The following RIMS1 variants were observed in gnomAD, a reference collection of about 807,000 sequenced individuals.
The protein encoded by RIMS1 is regulating synaptic membrane exocytosis 1.
A neutral mutation model predicts 214.1 loss-of-function variants in RIMS1; 83 were observed. The ratio of observed to expected loss-of-function variants is 0.39; its 90% CI spans 0.32 to 0.47. The LOEUF (loss-of-function observed/expected upper bound fraction) is 0.47, where lower values mean the gene tolerates loss of function less well. RIMS1 is among the 20% of genes least tolerant of loss of function. The probability of loss-of-function intolerance (pLI) is 0.99; values close to 1 mark genes in which losing one functional copy is unlikely to be tolerated. For synonymous variants in RIMS1, 793 were observed against 786.8 expected (o/e 1.01, Z -0.13); for missense variants, 2,050 against 2,161.8 (o/e 0.95, Z 1.03).
chr6:71,957,414 TAAC>T (rs888999232), intron 1 of RIMS1, among the ~76,000 whole-genome samples: 2 of 152,222 alleles, frequency 1.3e-5, no homozygotes, highest in African/African-American at 4.8e-5. Context: ...AAGGAATTTT[TAAC>T]AATAGAGTTG....
At chr6:72,314,098 A>C (rs2154296853) in intron 28 of RIMS1, among the ~76,000 whole-genome samples, 1 of 152,278 alleles carries the variant, frequency 6.6e-6, no homozygotes, top group Non-Finnish European at 1.5e-5. Flanking sequence ...TGGATGTGTT[A>C]ACAAAATAGA....
chr6:72,294,572 C>T (rs1592318050), intron 26 of RIMS1, among the ~76,000 whole-genome samples: 1 of 151,420 alleles, frequency 6.6e-6, no homozygotes, highest in East Asian at 1.9e-4. Context: ...ATTAATATAC[C>T]GTTTCTGGGT....
intron 2 of RIMS1, among the ~76,000 whole-genome samples, chr6:72,036,821 C>T (rs1451075914): frequency 1.3e-5 from 2 of 152,094 alleles, no homozygotes; most frequent in African/African-American, 4.8e-5. Flanking sequence ...AGTTGTCACG[C>T]ATGTAGAGTT....
chr6:72,386,064 T>G (rs2098596497), intron 29 of RIMS1, among the ~76,000 whole-genome samples: 1 of 152,156 alleles, frequency 6.6e-6, no homozygotes, highest in African/African-American at 2.4e-5. Context: ...ATTCAATAAC[T>G]AGCCCCTCAA....
intron 1 of RIMS1, among the ~76,000 whole-genome samples, chr6:71,938,727 G>A (rs1182204960): frequency 1.3e-5 from 2 of 152,142 alleles, no homozygotes; most frequent in African/African-American, 4.8e-5. Context: ...GACCTGTGAT[G>A]GGAGGGGCAA....
intron 1 of RIMS1, among the ~76,000 whole-genome samples, chr6:71,953,929 T>C (rs965902291): frequency 6.6e-6 from 1 of 152,198 alleles, no homozygotes; most frequent in South Asian, 2.1e-4. Flanking sequence ...TTTTTACCTT[T>C]AGGGTCTTAA....
intron 2 of RIMS1, among the ~76,000 whole-genome samples, chr6:71,979,899 G>T (rs1427588159): frequency 6.6e-6 from 1 of 152,054 alleles, no homozygotes; most frequent in East Asian, 1.9e-4. Context: ...AAGATTAGAT[G>T]GGATGGGTGA....
intron 28 of RIMS1, among the ~76,000 whole-genome samples, chr6:72,330,333 T>C (rs1026369488): frequency 7.3e-5 from 11 of 151,508 alleles, no homozygotes; most frequent in African/African-American, 2.7e-4. Flanking sequence ...GGAGAGGATA[T>C]ATAAATAACT....
chr6:72,055,546 G>T (rs1393849350), intron 2 of RIMS1, among the ~76,000 whole-genome samples: 1 of 152,178 alleles, frequency 6.6e-6, no homozygotes, highest in Admixed American at 6.5e-5. Context: ...GCACTGTGCT[G>T]AATAGGAGTG....
At position 72,182,853 on chromosome 6, in the gene RIMS1, C is replaced by T. The variant is rs886061706; in HGVS notation, c.1382C>T (p.Ala461Val). 8 of 1,556,130 alleles carry T rather than the reference C, an allele frequency of 5.1e-6. No homozygotes were observed. Among genetic ancestry groups the T allele is most frequent in the South Asian group, 1.2e-5 (1 of 84,500 alleles). Residue 461 changes from alanine to valine, a missense_variant, in exon 6 of 34, where the codon GCC becomes GTC. By Grantham distance (64) the Ala-to-Val change is moderately conservative. Coordinates refer to ENST00000521978, the MANE Select transcript of RIMS1 (RefSeq NM_014989.7). ...AGACATGGGCCGGTTCCCGCAGAAG[C>T]CCCGGAGCTCAAAGCCCAGGAGCCC... ...APRHGPVPAEAPELKAQEPLR... is the reference protein window; with the variant it reads ...APRHGPVPAEVPELKAQEPLR...
Position 72,182,645 on chromosome 6 carries a change from G to T in RIMS1, c.1174G>T (p.Asp392Tyr). 1 of 1,532,026 alleles carries T rather than the reference G, an allele frequency of 6.5e-7. No individual in the cohort carries two copies. Among genetic ancestry groups the T allele is most frequent in the Non-Finnish European group, 8.8e-7 (1 of 1,138,882 alleles). 94.9% of individuals were successfully genotyped at this position (1,532,026 alleles called of 1,614,324 possible). ...CGCCAGGCACGAGCGGCGCCACAGC[G>T]ACGTGGCGCTCCCGCGCACCGAGGC... ...SRARHERRHS[D>Y]VALPRTEAGA... Residue 392 changes from aspartate (D) to tyrosine (Y), a missense_variant, in exon 6 of 34, where the codon GAC becomes TAC. By Grantham distance (160) the Asp-to-Tyr change is radical (BLOSUM62 -3). This residue lies in a region of RIMS1 where 882 missense variants were observed against 828.9 expected (regional missense o/e 1.06). Coordinates refer to ENST00000521978, the MANE Select transcript of RIMS1 (RefSeq NM_014989.7).
At chr6:72,107,922 A>G (rs2035096342) in intron 4 of RIMS1, among the ~76,000 whole-genome samples, 1 of 152,166 alleles carries the variant, frequency 6.6e-6, no homozygotes, top group Admixed American at 6.6e-5. Flanking sequence ...AATTCCTGTG[A>G]TGTTTATATC....
intron 29 of RIMS1, among the ~76,000 whole-genome samples, chr6:72,362,640 C>T (rs890394865): frequency 7.9e-5 from 12 of 152,174 alleles, no homozygotes; most frequent in African/African-American, 2.9e-4. Context: ...AAAACAACTG[C>T]ATGATAAAAT....
chr6:72,167,115 AGTTT>A lies in RIMS1; in HGVS notation c.472-12456_472-12453del, dbSNP rs2046373344. ...TTATTCTGAAATCTTTTTTATGTCT[AGTTT>A]GTTGAGCATTTTTTCTCATTAAAAG... On this transcript the variant is annotated intron_variant, in intron 4 of 33. Coordinates refer to ENST00000521978, the MANE Select transcript of RIMS1 (RefSeq NM_014989.7). Among the ~76,000 whole-genome samples, 3 of 151,780 alleles carry A rather than the reference AGTTT, an allele frequency of 2.0e-5. No individual in the cohort carries two copies. The South Asian group carries it at 6.2e-4, about 31-fold the overall frequency.
chr6:71,983,743 A>T (rs1416294247), intron 2 of RIMS1, among the ~76,000 whole-genome samples: 1 of 152,182 alleles, frequency 6.6e-6, no homozygotes, highest in Non-Finnish European at 1.5e-5. Context: ...TTTTATGTCT[A>T]CTAACTACAC....
intron 2 of RIMS1, among the ~76,000 whole-genome samples, chr6:71,973,144 G>A (rs865785552): frequency 4.6e-5 from 7 of 152,086 alleles, no homozygotes; most frequent in East Asian, 1.9e-4. Context: ...TCCTGACTTC[G>A]TGATCCGCCC....
At chr6:72,263,337 C>T (rs147205268) in intron 19 of RIMS1, 1 of 985,036 alleles carries the variant, frequency 1.0e-6, no homozygotes, top group Non-Finnish European at 1.2e-6. Flanking sequence ...CTTACTGTAT[C>T]CTACTGTGTC....
At chr6:72,358,181 T>C (rs898366756) in intron 29 of RIMS1, among the ~76,000 whole-genome samples, 1 of 150,292 alleles carries the variant, frequency 6.7e-6, no homozygotes, top group Non-Finnish European at 1.5e-5. Context: ...AAAAAAAAGG[T>C]GCTGATAGAT....
At position 72,101,195 on chromosome 6, in the gene RIMS1, C is replaced by G. The variant is rs558775816; in HGVS notation, c.471+1209C>G. Among the ~76,000 whole-genome samples the G allele has an allele frequency of 9.2e-5, 14 of 151,934 alleles. 1 individual carries two copies. In the South Asian group the frequency reaches 2.9e-3, roughly 31 times the overall value. ...GCCAAACTCACTATCCCTTTGACAG[C>G]GTTACCCATAATGGTAGGTTATTTG... On this transcript the variant is annotated intron_variant, in intron 4 of 33. Coordinates refer to ENST00000521978, the MANE Select transcript of RIMS1 (RefSeq NM_014989.7).
Sources: gnomAD v4.1 joint callset for allele counts (sites outside exome capture counted in the v4.1 genomes callset) on GRCh38, gnomAD v4.1.1 for gene constraint, gnomAD v4.1.1 regional missense constraint, MANE v1.5 for transcripts, NCBI Gene and HGNC (gene_info 2026-07-23, HGNC 2026-07-21) for gene names.